DLGAP1: variants seen among roughly 807,000 people sequenced by gnomAD.
The protein encoded by DLGAP1 is disks large-associated protein 1.
Under a neutral mutation model 90.8 loss-of-function variants are expected in DLGAP1, and 11 were observed. That is an observed-to-expected ratio of 0.12 (90% CI 0.08 to 0.20). The LOEUF (loss-of-function observed/expected upper bound fraction) is 0.20. Among genes scored for constraint, DLGAP1 ranks in the 10% least tolerant of loss-of-function variants. The pLI, the probability that DLGAP1 is intolerant of heterozygous loss-of-function variation, is 1.00. For synonymous variants in DLGAP1, 558 were observed against 540.7 expected (o/e 1.03, Z -0.44); for missense variants, 1,050 against 1,333.8 (o/e 0.79, Z 3.31).
intron 1 of DLGAP1, among the ~76,000 whole-genome samples, chr18:4,214,570 G>T (rs906528119): frequency 1.3e-5 from 2 of 152,100 alleles, no homozygotes; most frequent in African/African-American, 4.8e-5. Context: ...GGCAATCTGT[G>T]GAAATCTTAG....
chr18:4,134,600 T>C (rs1428752261), intron 2 of DLGAP1, among the ~76,000 whole-genome samples: 1 of 152,192 alleles, frequency 6.6e-6, no homozygotes, highest in Non-Finnish European at 1.5e-5. Context: ...GATCAAAATG[T>C]GAGAAACCCT....
At chr18:4,172,295 C>A (rs2077038728) in intron 1 of DLGAP1, among the ~76,000 whole-genome samples, 1 of 152,144 alleles carries the variant, frequency 6.6e-6, no homozygotes, top group Non-Finnish European at 1.5e-5. Flanking sequence ...GATGTGGCCA[C>A]CTCCAATTTG....
chr18:3,749,992 G>C (rs960424725), intron 5 of DLGAP1, among the ~76,000 whole-genome samples: 2 of 152,024 alleles, frequency 1.3e-5, no homozygotes, highest in African/African-American at 4.8e-5. Flanking sequence ...TTGGATTTGG[G>C]GTTACATGTG....
intron 7 of DLGAP1, among the ~76,000 whole-genome samples, chr18:3,659,442 A>ACCT (rs1339165633): frequency 1.1e-5 from 1 of 94,254 alleles, no homozygotes; most frequent in African/African-American, 6.5e-5. Context: ...CACGGATGCT[A>ACCT]CCACCCCCCG....
chr18:4,331,680 C>T (rs2080956389), intron 1 of DLGAP1, among the ~76,000 whole-genome samples: 1 of 151,812 alleles, frequency 6.6e-6, no homozygotes, highest in Non-Finnish European at 1.5e-5. Context: ...CTCTGTAAGC[C>T]CATTTCTCCT....
intron 1 of DLGAP1, among the ~76,000 whole-genome samples, chr18:4,227,904 AAAATG>A (rs2078225654): frequency 6.6e-6 from 1 of 151,814 alleles, no homozygotes. Context: ...AAAGATGACT[AAAATG>A]AAAAGTTTGT....
chr18:3,672,591 A>C (rs2060134070), intron 7 of DLGAP1, among the ~76,000 whole-genome samples: 1 of 137,410 alleles, frequency 7.3e-6, no homozygotes, highest in African/African-American at 3.2e-5. Context: ...AAAAAAAAAA[A>C]AAAAAAAAAA....
chr18:3,677,477 C>T (rs955327885), intron 7 of DLGAP1, among the ~76,000 whole-genome samples: 1 of 152,228 alleles, frequency 6.6e-6, no homozygotes, highest in Non-Finnish European at 1.5e-5. Flanking sequence ...ATTACCTGTA[C>T]TGTATATTCC....
At chr18:3,995,142 G>A (rs1391429198) in intron 3 of DLGAP1, 1 of 148,240 alleles carries the variant, frequency 6.7e-6, no homozygotes, top group African/African-American at 2.5e-5. Context: ...TTTTTTTTTA[G>A]CTTTGGCCTT....
At position 3,845,224 on chromosome 18, in the gene DLGAP1, T is replaced by C. The variant is rs760665675; in HGVS notation, c.958-30951A>G. The stretch of plus-strand genomic sequence containing the variant: ...CCTTTCCATAGCCCAGAATTGCTAT[T>C]AGCTTACCTTATTAGCTGGAATGCC... On this transcript the variant is annotated intron_variant, in intron 4 of 12. Transcript: ENST00000315677. 2.5e-6 allele frequency: 4 copies of C among 1,612,624 alleles called. No homozygotes were observed. The Admixed American group carries it at 6.7e-5, about 27-fold the overall frequency.
At chr18:3,713,278 A>G (rs938458068) in intron 7 of DLGAP1, among the ~76,000 whole-genome samples, 2 of 152,210 alleles carry the variant, frequency 1.3e-5, no homozygotes, top group South Asian at 4.1e-4. Context: ...AGAACATGCA[A>G]TTGGTGCCAT....
chr18:3,633,718 T>C (rs1158575196), intron 7 of DLGAP1, among the ~76,000 whole-genome samples: 2 of 152,232 alleles, frequency 1.3e-5, no homozygotes, highest in East Asian at 1.9e-4. Context: ...AAGCTATAGA[T>C]ACTTTTCTCC....
Position 3,565,906 on chromosome 18 carries a change from A to C in DLGAP1, c.2057+1584T>G, listed in dbSNP as rs557499968. 6.6e-6 allele frequency among the ~76,000 whole-genome samples: 1 copy of C among 152,218 alleles called. No homozygotes were observed. The highest frequency in any genetic ancestry group is 1.5e-5 in the Non-Finnish European group (1 of 68,012). On this transcript the variant is annotated intron_variant, in intron 9 of 12. Transcript: ENST00000315677. The surrounding 1 kb of genome is among the most constrained non-coding windows in gnomAD (Gnocchi z 4.0). ...TAAAACTTTTCAGAGTAAAAGAAAA[A>C]AGTCACTCCTAAACCTACCATTTGT...
intron 7 of DLGAP1, among the ~76,000 whole-genome samples, chr18:3,684,521 T>C (rs2060632936): frequency 6.6e-6 from 1 of 152,134 alleles, no homozygotes; most frequent in Admixed American, 6.6e-5. Context: ...ATTTAAGCCA[T>C]ACTGCTTTGA....
chr18:4,028,990 TTA>T, intron 2 of DLGAP1, among the ~76,000 whole-genome samples: 1 of 152,182 alleles, frequency 6.6e-6, no homozygotes. Context: ...AACAAAAATT[TTA>T]TATTATTTGA....
At chr18:4,103,683 A>G (rs2075815404) in intron 2 of DLGAP1, among the ~76,000 whole-genome samples, 1 of 152,184 alleles carries the variant, frequency 6.6e-6, no homozygotes, top group South Asian at 2.1e-4. Flanking sequence ...TTTATTGATA[A>G]GCACTTAATG....
At chr18:4,298,723 T>C (rs755543319) in intron 1 of DLGAP1, among the ~76,000 whole-genome samples, 1 of 151,692 alleles carries the variant, frequency 6.6e-6, no homozygotes, top group African/African-American at 2.4e-5. Context: ...TGTATACATA[T>C]GTAACTAACC....
Position 4,170,088 on chromosome 18 carries a change from G to A in DLGAP1, c.-266-18801C>T, listed in dbSNP as rs143587785. 9.4e-3 allele frequency among the ~76,000 whole-genome samples: 1,427 copies of A among 152,254 alleles called. 6 individuals carry two copies. The highest frequency in any genetic ancestry group is 0.015 in the Non-Finnish European group (1,003 of 68,008). ...GAAGGTTGTTTCCACGATGATGGAAGGTTGTTTCCACCTTCCATCATCAAG... is the reference window on the plus strand; with the variant it reads ...GAAGGTTGTTTCCACGATGATGGAAAGTTGTTTCCACCTTCCATCATCAAG... On this transcript the variant is annotated intron_variant, in intron 1 of 12. Transcript: ENST00000315677.
chr18:4,427,533 G>A (rs560029150), intron 1 of DLGAP1, among the ~76,000 whole-genome samples: 2 of 152,206 alleles, frequency 1.3e-5, no homozygotes, highest in East Asian at 3.9e-4. Context: ...AATTGGCATG[G>A]CAACTAGCAA....
Sources: gnomAD v4.1 joint callset for allele counts (sites outside exome capture counted in the v4.1 genomes callset) on GRCh38, gnomAD v4.1.1 for gene constraint, Gnocchi (gnomAD v3.1) non-coding constraint, MANE v1.5 for transcripts, NCBI Gene and HGNC (gene_info 2026-07-23, HGNC 2026-07-21) for gene names.